The following IQSEC1 variants were observed in gnomAD, a reference collection of about 807,000 sequenced individuals.
IQSEC1 encodes the protein IQ motif and SEC7 domain-containing protein 1.
In IQSEC1, 31 loss-of-function variants were observed where a neutral mutation model predicts 91.0. That is an observed-to-expected ratio of 0.34 (90% CI 0.26 to 0.46). The LOEUF (loss-of-function observed/expected upper bound fraction) is 0.46. Among genes scored for constraint, IQSEC1 ranks in the 20% least tolerant of loss-of-function variants. The pLI is 1.00. For missense variants in IQSEC1, 1,388 were observed against 1,575.6 expected, an observed-to-expected ratio of 0.88 and a Z score of 2.02; for synonymous variants, 699 against 662.6, an observed-to-expected ratio of 1.05 and a Z score of -0.84.
intron 1 of IQSEC1, among the ~76,000 whole-genome samples, chr3:13,188,530 G>A (rs528450999): frequency 2.6e-5 from 4 of 152,216 alleles, no homozygotes; most frequent in African/African-American, 9.6e-5. Context: ...TACAGATGGG[G>A]AAACCAAGGC....
intron 1 of IQSEC1, among the ~76,000 whole-genome samples, chr3:12,996,587 T>C (rs1702235183): frequency 6.6e-6 from 1 of 151,898 alleles, no homozygotes; most frequent in Non-Finnish European, 1.5e-5. Context: ...CAAAATACCA[T>C]AAACAAAGTA....
chr3:13,189,592 C>A (rs1693986618), intron 1 of IQSEC1, among the ~76,000 whole-genome samples: 1 of 152,248 alleles, frequency 6.6e-6, no homozygotes, highest in African/African-American at 2.4e-5. Flanking sequence ...CAAGTGACAG[C>A]AGAACATAAG....
chr3:13,073,233 C>G lies in IQSEC1; in HGVS notation c.-219G>C, dbSNP rs1428342785. ...GGCTGTGGAGGGCCCTGGCACGTAG[C>G]GCGCGCTCACACCGTGCCCAGGAGC... On this transcript the variant is annotated 5_prime_UTR_variant, in exon 1 of 14. Coordinates refer to ENST00000613206, the MANE Select transcript of IQSEC1 (RefSeq NM_001134382.3). 1 of 607,198 alleles carries G rather than the reference C, an allele frequency of 1.6e-6. No homozygotes were observed. The highest frequency in any genetic ancestry group is 1.9e-5 in the South Asian group (1 of 52,068). The allele number at this position is 607,198 out of a possible 1,614,324, so 37.6% of individuals were successfully genotyped here. A position where few individuals can be genotyped will look rare whatever the true frequency, so the allele number is the denominator to read the frequency against.
chr3:13,107,384 A>G lies in IQSEC1; in HGVS notation c.302+56720T>C, dbSNP rs182529372. 7.2e-5 allele frequency among the ~76,000 whole-genome samples: 11 copies of G among 152,322 alleles called. No homozygotes were observed. In the East Asian group the frequency reaches 2.1e-3, roughly 29 times the overall value. ...CATGCCCCCTGCGGTTGCTATAGTTAATTAAGTGCCTACTATACAGCACGC... is the reference window on the plus strand; with the variant it reads ...CATGCCCCCTGCGGTTGCTATAGTTGATTAAGTGCCTACTATACAGCACGC... On this transcript the variant is annotated intron_variant, in intron 2 of 15. Transcript: ENST00000648114.
chr3:13,038,743 C>T (rs1704141754), intron 1 of IQSEC1, among the ~76,000 whole-genome samples: 1 of 152,128 alleles, frequency 6.6e-6, no homozygotes, highest in African/African-American at 2.4e-5. Context: ...ACACAGGACT[C>T]TCACCCACTG....
intron 1 of IQSEC1, among the ~76,000 whole-genome samples, chr3:13,068,014 C>G (rs1190874021): frequency 6.6e-6 from 1 of 152,230 alleles, no homozygotes; most frequent in Non-Finnish European, 1.5e-5. Flanking sequence ...TGCTGGCCCG[C>G]AGGCAAACCC....
intron 10 of IQSEC1, among the ~76,000 whole-genome samples, chr3:12,911,208 C>G (rs1469407486): frequency 6.6e-6 from 1 of 152,246 alleles, no homozygotes; most frequent in Admixed American, 6.5e-5. Context: ...TGAGCCAGAG[C>G]TGGGATCTGA....
chr3:12,928,098 G>T (rs1575937936), intron 3 of IQSEC1, among the ~76,000 whole-genome samples: 1 of 152,332 alleles, frequency 6.6e-6, no homozygotes, highest in East Asian at 1.9e-4. Context: ...CGTGGGCCAG[G>T]GCCCAGCTGG....
In IQSEC1 at chr3:13,104,684, G is replaced by A. The variant is rs370178002; in HGVS notation, c.303-57162C>T. Among the ~76,000 whole-genome samples the A allele has an allele frequency of 2.9e-3, 436 of 152,276 alleles. 3 individuals are homozygous for A. The South Asian group carries it at 0.029, about 10-fold the overall frequency. On this transcript the variant is annotated intron_variant, in intron 2 of 15. Transcript: ENST00000648114. ...GCTCCGGACTCAGCTGCTCTCACGG[G>A]ACCCCAGGTGCAGGGCCCATCATGG... is the stretch of plus-strand genomic sequence containing the variant.
chr3:13,258,336 G>A (rs9835984), intron 1 of IQSEC1, among the ~76,000 whole-genome samples: 57,735 of 152,044 alleles, frequency 0.38, 14,089 homozygotes, highest in African/African-American at 0.7. Flanking sequence ...TGCTCTAAAA[G>A]TAAAGACTAT....
rs2125308062 is a variant in IQSEC1 at position 12,935,960 on chromosome 3, C to T, written c.1056G>A (p.Glu352=). The change falls in exon 3 of 14, where the codon GAG becomes GAA. Residue 352 remains glutamate, a synonymous_variant. Coordinates refer to ENST00000613206, the MANE Select transcript of IQSEC1 (RefSeq NM_001134382.3). This position sits in a 1 kb window ranked among gnomAD's most constrained non-coding sequence, Gnocchi z 8.0. ...CCACCCGCAGCCGCTGCTCCTGCCG[C>T]TCCAGCGACGGCGTGCTCCGGCAGC... ...DTSCRSTPSL[E]RQEQRLRVEH... 1 of 1,599,208 alleles carries T rather than the reference C, an allele frequency of 6.3e-7. No individual in the cohort carries two copies.
At chr3:13,267,671 G>A (rs1488079670) in intron 1 of IQSEC1, among the ~76,000 whole-genome samples, 1 of 148,646 alleles carries the variant, frequency 6.7e-6, no homozygotes, top group Non-Finnish European at 1.5e-5. Flanking sequence ...AGGCTGGAGT[G>A]CAGGGGCACC....
intron 2 of IQSEC1, among the ~76,000 whole-genome samples, chr3:13,130,670 C>T (rs188342459): frequency 9.5e-4 from 144 of 152,226 alleles, no homozygotes; most frequent in African/African-American, 3.4e-3. Flanking sequence ...GGATTACTGG[C>T]TCACGCCTGT....
chr3:12,924,538 G>A lies in IQSEC1; in HGVS notation c.1730+43C>T, dbSNP rs762139820. 5.2e-6 allele frequency: 8 copies of A among 1,539,978 alleles called. No individual in the cohort carries two copies. The highest frequency in any genetic ancestry group is 1.7e-4 in the Middle Eastern group (1 of 5,758). On this transcript the variant is annotated intron_variant, in intron 4 of 13. Coordinates refer to ENST00000613206, the MANE Select transcript of IQSEC1 (RefSeq NM_001134382.3). The surrounding 1 kb of genome is among the most constrained non-coding windows in gnomAD (Gnocchi z 6.3). The stretch of plus-strand genomic sequence containing the variant: ...CGGGTAACACAGGGTGCGTGAGGGC[G>A]TGTGTGGAATCAGGTCCCCCACCAC...
Position 12,967,292 on chromosome 3 carries a change from C to A in IQSEC1, c.24-25427G>T. On this transcript the variant is annotated intron_variant, in intron 1 of 13. Transcript: ENST00000613206. This position sits in a 1 kb window ranked among gnomAD's most constrained non-coding sequence, Gnocchi z 5.9. Reference sequence around the variant, plus strand: ...TCGCACGCCGGGCGCCCGGTCCCGACGGTCACCCGCACTCCCGCACAGGCA... The same window carrying A: ...TCGCACGCCGGGCGCCCGGTCCCGAAGGTCACCCGCACTCCCGCACAGGCA... 1 of 1,109,538 alleles carries A rather than the reference C, an allele frequency of 9.0e-7. No individual in the cohort carries two copies. The highest frequency in any genetic ancestry group is 1.2e-6 in the Non-Finnish European group (1 of 803,838). 68.7% of individuals were successfully genotyped at this position (1,109,538 alleles called of 1,614,324 possible).
intron 1 of IQSEC1, among the ~76,000 whole-genome samples, chr3:13,258,884 A>G (rs919953599): frequency 9.9e-5 from 15 of 152,262 alleles, no homozygotes; most frequent in East Asian, 7.7e-4. Context: ...CCAGGATTCC[A>G]CAGCATCACC....
intron 1 of IQSEC1, among the ~76,000 whole-genome samples, chr3:13,031,335 C>A (rs1483331606): frequency 6.6e-6 from 1 of 152,242 alleles, no homozygotes; most frequent in Non-Finnish European, 1.5e-5. Flanking sequence ...TAGACAAGGG[C>A]CCCTGCCTGC....
rs1213830618 is a variant in IQSEC1, at chr3:12,902,670, C to CAAAAAAAAAAAAAAAA, written c.2805+87_2805+102dup. The CAAAAAAAAAAAAAAAA allele has an allele frequency of 2.9e-4, 55 of 192,628 alleles. 3 individuals carry two copies. Among genetic ancestry groups the CAAAAAAAAAAAAAAAA allele is most frequent in the African/African-American group, 4.1e-4 (6 of 14,698 alleles). 11.9% of individuals were successfully genotyped at this position (192,628 alleles called of 1,614,324 possible). On this transcript the variant is annotated intron_variant, in intron 13 of 13. Transcript: ENST00000613206. ...AAAAAAAAAACAACAAAAAAAAAACCAAAAAAAAAAAAAAAAAAAAAAAAC... is the reference window on the plus strand; with the variant it reads ...AAAAAAAAAACAACAAAAAAAAAACCAAAAAAAAAAAAAAAAAAAAAAAAAAAAAAAAAAAAAAAAC...
At position 12,936,243 on chromosome 3, in the gene IQSEC1, T is replaced by C. The variant is rs1698187245; in HGVS notation, c.773A>G (p.Asp258Gly). 1 of 1,613,112 alleles carries C rather than the reference T, an allele frequency of 6.2e-7. No homozygotes were observed. Among genetic ancestry groups the C allele is most frequent in the Admixed American group, 1.7e-5 (1 of 60,002 alleles). The change falls in exon 3 of 14, where the codon GAT (aspartate) becomes GGT (glycine). Residue 258 changes from aspartate to glycine, a missense_variant. Asp to Gly is a moderately conservative substitution (Grantham distance 94, BLOSUM62 -1). Transcript: ENST00000613206. ...TTCGGTGTCCCGGGCCCGCGCCGCA[T>C]CCAGGGCCGGTGCCTCCTCAGTGTG... ...SLHTEEAPAL[D>G]AARARDTEPQ...
Sources: gnomAD v4.1 joint callset for allele counts (sites outside exome capture counted in the v4.1 genomes callset) on GRCh38, gnomAD v4.1.1 for gene constraint, Gnocchi (gnomAD v3.1) non-coding constraint, MANE v1.5 for transcripts, NCBI Gene and HGNC (gene_info 2026-07-23, HGNC 2026-07-21) for gene names.